VWA8: variants seen among roughly 807,000 people sequenced by gnomAD.
VWA8 encodes the protein von Willebrand factor A domain containing 8, also known as von Willebrand factor A domain-containing protein 8.
VWA8 carries 221 observed loss-of-function variants against 241.5 expected under a neutral mutation model. The observed-to-expected ratio is 0.91, with a 90% CI of 0.82 to 1.02. The LOEUF is 1.02. Among genes scored for constraint, VWA8 ranks in the 50% least tolerant of loss-of-function variants. The pLI is 0.00. For synonymous variants in VWA8, 852 were observed against 827.1 expected, an observed-to-expected ratio of 1.03 and a Z score of -0.52; for missense variants, 2,322 against 2,328.7, an observed-to-expected ratio of 1.00 and a Z score of 0.06.
intron 9 of VWA8, among the ~76,000 whole-genome samples, chr13:41,880,890 C>T (rs1874137890): frequency 6.6e-6 from 1 of 152,156 alleles, no homozygotes; most frequent in Non-Finnish European, 1.5e-5. Context: ...TGTCAATACC[C>T]TGTGTCTCAT....
intron 29 of VWA8, among the ~76,000 whole-genome samples, chr13:41,694,845 G>A (rs912813953): frequency 6.6e-6 from 1 of 152,094 alleles, no homozygotes; most frequent in African/African-American, 2.4e-5. Context: ...CCTTTTTAGG[G>A]TCTAATACTT....
At chr13:41,838,351 T>C (rs1019635887) in intron 12 of VWA8, among the ~76,000 whole-genome samples, 1 of 152,172 alleles carries the variant, frequency 6.6e-6, no homozygotes, top group African/African-American at 2.4e-5. Context: ...CTGAAAATAT[T>C]ATAGTACATT....
At chr13:41,959,605 G>GTTTTTTTTTT (rs1566052716) in intron 1 of VWA8, among the ~76,000 whole-genome samples, 15 of 54,326 alleles carry the variant, frequency 2.8e-4, no homozygotes, top group South Asian at 1.4e-3. Context: ...ACCTAAATAT[G>GTTTTTTTTTT]CTTTTTTTTT....
chr13:41,902,398 TGAA>T (rs1157711568), intron 4 of VWA8, among the ~76,000 whole-genome samples: 2 of 152,338 alleles, frequency 1.3e-5, no homozygotes, highest in South Asian at 2.1e-4. Flanking sequence ...CTGCTCGTCT[TGAA>T]GAAGAATACA....
At chr13:41,584,436 G>T (rs2044403814) in intron 42 of VWA8, among the ~76,000 whole-genome samples, 1 of 152,118 alleles carries the variant, frequency 6.6e-6, no homozygotes, top group Non-Finnish European at 1.5e-5. Context: ...GGACTCATAT[G>T]CCTTGCTGGG....
rs192647331 is a variant in VWA8, at chr13:41,701,275, C to A, written c.3364+117G>T. 3.2e-4 allele frequency: 412 copies of A among 1,272,238 alleles called. 2 individuals are homozygous for A. The African/African-American group carries it at 5.9e-3, about 18-fold the overall frequency. 78.8% of individuals were successfully genotyped at this position (1,272,238 alleles called of 1,614,324 possible). A position where few individuals can be genotyped will look rare whatever the true frequency, so the allele number is the denominator to read the frequency against. ...AAATTACATATAATTGCTATCCAAT[C>A]CAAGAATGACAGACACCAAGTCTAT... On this transcript the variant is annotated intron_variant, in intron 28 of 44. Coordinates refer to ENST00000379310, the MANE Select transcript of VWA8 (RefSeq NM_015058.2).
chr13:41,828,407 T>C (rs1338858792), intron 14 of VWA8, among the ~76,000 whole-genome samples: 1 of 152,202 alleles, frequency 6.6e-6, no homozygotes, highest in Non-Finnish European at 1.5e-5. Flanking sequence ...TCTAATTCTG[T>C]TAAAATATCC....
chr13:41,620,616 A>C (rs1243261720), intron 37 of VWA8, among the ~76,000 whole-genome samples: 1 of 152,110 alleles, frequency 6.6e-6, no homozygotes, highest in African/African-American at 2.4e-5. Flanking sequence ...TAGTGCTATA[A>C]ATTTCCCTCT....
intron 24 of VWA8, among the ~76,000 whole-genome samples, chr13:41,726,853 G>A (rs532908832): frequency 6.6e-6 from 1 of 152,164 alleles, no homozygotes; most frequent in African/African-American, 2.4e-5. Flanking sequence ...AAATTAACCA[G>A]GCTCAGTGGT....
chr13:41,867,367 T>C (rs1376187473), intron 10 of VWA8, among the ~76,000 whole-genome samples: 3 of 152,178 alleles, frequency 2.0e-5, no homozygotes, highest in Admixed American at 2.0e-4. Context: ...TCTGCCTCTA[T>C]CCTAAACTAT....
intron 12 of VWA8, among the ~76,000 whole-genome samples, chr13:41,841,894 G>C (rs1451436822): frequency 8.3e-6 from 1 of 120,860 alleles, no homozygotes; most frequent in East Asian, 2.5e-4. Context: ...TTCAATTGGG[G>C]TAAATAAGCA....
chr13:41,691,556 G>C, intron 31 of VWA8, 111 bp from the exon 32 acceptor site: 17 of 1,338,624 alleles, frequency 1.3e-5, no homozygotes, highest in Admixed American at 2.9e-5. Context: ...AATGTTTTAA[G>C]ATTAAGTAAT....
At chr13:41,784,701 T>C (rs1388139865) in intron 18 of VWA8, among the ~76,000 whole-genome samples, 7 of 69,832 alleles carry the variant, frequency 1.0e-4, no homozygotes, top group Non-Finnish European at 5.9e-5. Flanking sequence ...CATATACATA[T>C]ATATATATAT....
At chr13:41,921,948 C>T (rs140736993) in intron 2 of VWA8, among the ~76,000 whole-genome samples, 1,812 of 152,126 alleles carry the variant, frequency 0.012, 35 homozygotes, top group African/African-American at 0.039. Flanking sequence ...AAAGTTCATA[C>T]GGAACCAAAA....
intron 26 of VWA8, among the ~76,000 whole-genome samples, chr13:41,710,823 T>C (rs1215054647): frequency 6.6e-6 from 1 of 152,222 alleles, no homozygotes; most frequent in East Asian, 1.9e-4. Context: ...GAGAATCTAA[T>C]AAACGTATTC....
At position 41,592,080 on chromosome 13, in the gene VWA8, C is replaced by T. The variant is rs1280634368; in HGVS notation, c.4987-1315G>A. ...TGGAACCAACCCAAATGTCCAGCAA[C>T]GATAGACTGGATTAAGAAAATGTGG... On this transcript the variant is annotated intron_variant, in intron 40 of 44. Coordinates refer to ENST00000379310, the MANE Select transcript of VWA8 (RefSeq NM_015058.2). 1.4e-3 allele frequency among the ~76,000 whole-genome samples: 214 copies of T among 151,144 alleles called. 3 individuals carry two copies. The highest frequency in any genetic ancestry group is 5.0e-3 in the African/African-American group (203 of 40,818).
At chr13:41,757,010 G>C (rs985295208) in intron 21 of VWA8, among the ~76,000 whole-genome samples, 1 of 151,572 alleles carries the variant, frequency 6.6e-6, no homozygotes, top group Non-Finnish European at 1.5e-5. Context: ...TCAAAAGTTG[G>C]AATTATGATA....
intron 5 of VWA8, among the ~76,000 whole-genome samples, chr13:41,890,707 G>A (rs895263901): frequency 9.2e-5 from 14 of 152,328 alleles, no homozygotes; most frequent in African/African-American, 3.4e-4. Context: ...TATTCTAGTA[G>A]AGGGAAGCAG....
rs369141075 is a variant in VWA8, at chr13:41,711,877, C to CAA, written c.3116+7712_3116+7713dup. Among the ~76,000 whole-genome samples, 5 of 131,274 alleles carry CAA rather than the reference C, an allele frequency of 3.8e-5. No individual in the cohort carries two copies. The South Asian group carries it at 7.2e-4, about 19-fold the overall frequency. 86.1% of individuals were successfully genotyped at this position (131,274 alleles called of 152,430 possible). On this transcript the variant is annotated intron_variant, in intron 26 of 44. Transcript: ENST00000379310. ...CGACAGAGCGAGACTCTGTCTCAAA[C>CAA]AAAAAAAAAAGAAATTTTAAAAAGA... is the stretch of plus-strand genomic sequence containing the variant.
Sources: allele counts gnomAD v4.1 joint callset (sites outside exome capture counted in the v4.1 genomes callset), GRCh38; gene constraint gnomAD v4.1.1; transcripts MANE v1.5; gene names NCBI Gene and HGNC (gene_info 2026-07-23, HGNC 2026-07-21).